The following LINGO2 variants were observed in gnomAD, a reference collection of about 807,000 sequenced individuals.
The protein encoded by LINGO2 is leucine-rich repeat and immunoglobulin-like domain-containing nogo receptor-interacting protein 2.
Under a neutral mutation model 30.6 loss-of-function variants are expected in LINGO2, and 14 were observed. The ratio of observed to expected loss-of-function variants is 0.46; its 90% CI spans 0.30 to 0.72. The LOEUF (loss-of-function observed/expected upper bound fraction) is 0.72. LINGO2 is among the 30% of genes least tolerant of loss of function. LINGO2 has a pLI of 0.07. For synonymous variants in LINGO2, 317 were observed against 288.5 expected, an observed-to-expected ratio of 1.10 and a Z score of -1.00; for missense variants, 729 against 751.7, an observed-to-expected ratio of 0.97 and a Z score of 0.35.
the LINGO2 span, among the ~76,000 whole-genome samples, chr9:29,063,731 G>A: frequency 1.3e-5 from 2 of 152,010 alleles, no homozygotes; most frequent in African/African-American, 4.8e-5. Flanking sequence ...GTCCTACATG[G>A]CAGTGGTCAT....
intron 2 of LINGO2, among the ~76,000 whole-genome samples, chr9:28,465,131 A>G (rs757693221): frequency 2.6e-5 from 4 of 152,186 alleles, no homozygotes; most frequent in Non-Finnish European, 4.4e-5. Context: ...TGGATGGCTT[A>G]AGTGTTAAAA....
intron 2 of LINGO2, among the ~76,000 whole-genome samples, chr9:28,418,953 T>G (rs1433147374): frequency 7.9e-5 from 12 of 152,272 alleles, no homozygotes; most frequent in Admixed American, 4.6e-4. Flanking sequence ...TACACATTTT[T>G]CCTCCTTTGA....
the LINGO2 span, among the ~76,000 whole-genome samples, chr9:29,080,405 ATT>A: frequency 6.6e-6 from 1 of 150,922 alleles, no homozygotes; most frequent in Non-Finnish European, 1.5e-5. Flanking sequence ...TCCTGGATTC[ATT>A]GATTTTTTTT....
At chr9:28,190,450 G>T (rs894040141) in intron 4 of LINGO2, among the ~76,000 whole-genome samples, 1 of 152,096 alleles carries the variant, frequency 6.6e-6, no homozygotes, top group East Asian at 1.9e-4. Context: ...GTATTAGGAG[G>T]TGGGGCCATT....
chr9:28,507,285 C>T (rs1820190504), intron 1 of LINGO2, among the ~76,000 whole-genome samples: 1 of 151,642 alleles, frequency 6.6e-6, no homozygotes, highest in South Asian at 2.1e-4. Context: ...TCCTACCCAA[C>T]AGTCTTCTGT....
At chr9:27,947,530 A>G (rs190261725), downstream of LINGO2, among the ~76,000 whole-genome samples, 187 of 152,294 alleles carry the variant, frequency 1.2e-3, no homozygotes, top group African/African-American at 4.3e-3. Context: ...TTTATTATAC[A>G]AGATAATTTT....
chr9:28,262,211 C>T (rs1370029702), intron 4 of LINGO2, among the ~76,000 whole-genome samples: 3 of 151,614 alleles, frequency 2.0e-5, no homozygotes, highest in African/African-American at 4.8e-5. Context: ...ATAATTAAGA[C>T]GATGCTTATA....
chr9:29,183,043 T>G, the LINGO2 span, among the ~76,000 whole-genome samples: 52,767 of 151,942 alleles, frequency 0.35, 10,973 homozygotes, highest in Admixed American at 0.49. Context: ...AAAATAAAAC[T>G]AGCAAATGAC....
chr9:28,843,740 C>T, the LINGO2 span, among the ~76,000 whole-genome samples: 1 of 151,800 alleles, frequency 6.6e-6, no homozygotes, highest in Non-Finnish European at 1.5e-5. Context: ...AGTGTTGTGA[C>T]TGCCTTTGTT....
At chr9:27,994,113 G>A (rs1033701695) in intron 5 of LINGO2, among the ~76,000 whole-genome samples, 1 of 151,940 alleles carries the variant, frequency 6.6e-6, no homozygotes, top group Non-Finnish European at 1.5e-5. Flanking sequence ...CATTAAAATG[G>A]AAACAACATA....
At chr9:28,338,006 T>C (rs1825645098) in intron 3 of LINGO2, among the ~76,000 whole-genome samples, 1 of 152,100 alleles carries the variant, frequency 6.6e-6, no homozygotes, top group South Asian at 2.1e-4. Flanking sequence ...GACCCCAGAA[T>C]GGTATATCCA....
At chr9:28,167,722 T>G (rs1828471819) in intron 4 of LINGO2, among the ~76,000 whole-genome samples, 2 of 152,184 alleles carry the variant, frequency 1.3e-5, no homozygotes, top group Admixed American at 6.5e-5. Context: ...TTTTCTATTT[T>G]TGTCCAGTTT....
At position 28,020,580 on chromosome 9, in the gene LINGO2, C is replaced by CAA. The variant is rs1823068723; in HGVS notation, c.-86-8177_-86-8176dup. On this transcript the variant is annotated intron_variant, in intron 4 of 5. Transcript: ENST00000379992. ...ACAAAACAAAACAAAACAAACAAAA[C>CAA]AAGAAAGTGTTACCTCTGCTTCTAT... Among the ~76,000 whole-genome samples the CAA allele has an allele frequency of 3.3e-5, 5 of 150,404 alleles. No individual in the cohort carries two copies. In the South Asian group the frequency reaches 1.1e-3, roughly 32 times the overall value.
intron 1 of LINGO2, among the ~76,000 whole-genome samples, chr9:28,613,728 C>T (rs1826015839): frequency 1.3e-5 from 2 of 151,990 alleles, no homozygotes; most frequent in South Asian, 4.1e-4. Flanking sequence ...ATAATACTGC[C>T]AAAGACTGAT....
intron 4 of LINGO2, among the ~76,000 whole-genome samples, chr9:28,249,143 T>C (rs775381944): frequency 5.7e-4 from 87 of 152,112 alleles, no homozygotes; most frequent in Non-Finnish European, 1.1e-3. Context: ...AGTATTATTT[T>C]ACCTTGGGAA....
intron 1 of LINGO2, among the ~76,000 whole-genome samples, chr9:28,586,807 G>C (rs572961045): frequency 6.6e-6 from 1 of 151,960 alleles, no homozygotes; most frequent in East Asian, 1.9e-4. Flanking sequence ...CTGCTCATCT[G>C]CCCTAGTCCT....
intron 1 of LINGO2, among the ~76,000 whole-genome samples, chr9:28,579,061 C>CTTTTTTTT (rs34468047): frequency 6.7e-6 from 1 of 150,048 alleles, no homozygotes; most frequent in Non-Finnish European, 1.5e-5. Flanking sequence ...CATAAGAGCT[C>CTTTTTTTT]TTTTTTTTTT....
At chr9:29,091,535 G>T in the LINGO2 span, among the ~76,000 whole-genome samples, 2 of 151,990 alleles carry the variant, frequency 1.3e-5, no homozygotes, top group African/African-American at 4.8e-5. Context: ...GCTCCTAGGA[G>T]CCTTTTAAGA....
chr9:28,826,238 A>C, the LINGO2 span, among the ~76,000 whole-genome samples: 4 of 152,166 alleles, frequency 2.6e-5, no homozygotes, highest in Admixed American at 2.6e-4. Flanking sequence ...CATCTCCTCC[A>C]CTGTTATCAA....
Sources: allele counts gnomAD v4.1 joint callset (sites outside exome capture counted in the v4.1 genomes callset), GRCh38; gene constraint gnomAD v4.1.1; transcripts MANE v1.5; gene names NCBI Gene and HGNC (gene_info 2026-07-23, HGNC 2026-07-21).